Variants in FARP1 observed in about 807,000 individuals in gnomAD.
FARP1 encodes FERM, ARHGEF and pleckstrin domain-containing protein 1.
A neutral mutation model predicts 128.8 loss-of-function variants in FARP1; 52 were observed. The observed-to-expected ratio is 0.40, with a 90% CI of 0.32 to 0.51. The LOEUF (loss-of-function observed/expected upper bound fraction) is 0.51. Ranked by LOEUF, FARP1 falls within the 20% of genes least tolerant of loss-of-function variation. FARP1 has a pLI of 0.45. For synonymous variants in FARP1, 580 were observed against 551.8 expected (o/e 1.05, Z -0.72); for missense variants, 1,333 against 1,367.9 (o/e 0.97, Z 0.40).
intron 13 of FARP1, chr13:98,399,384 C>T (rs1358821647): frequency 6.6e-6 from 1 of 152,256 alleles, no homozygotes. Flanking sequence ...CAGCATCTAC[C>T]CTGCCACCCT....
chr13:98,168,400 T>C (rs1877430278), intron 1 of FARP1, among the ~76,000 whole-genome samples: 2 of 152,212 alleles, frequency 1.3e-5, no homozygotes, highest in African/African-American at 4.8e-5. Flanking sequence ...TCTGAAACTC[T>C]CACCTGTTGT....
At chr13:98,250,328 A>G (rs1279496158) in intron 2 of FARP1, among the ~76,000 whole-genome samples, 1 of 152,206 alleles carries the variant, frequency 6.6e-6, no homozygotes, top group Admixed American at 6.5e-5. Context: ...GGGTTTGTAC[A>G]TGATTTGTTT....
chr13:98,379,621 C>T (rs759135729), intron 6 of FARP1, among the ~76,000 whole-genome samples: 1 of 152,062 alleles, frequency 6.6e-6, no homozygotes. Context: ...CCAAGGACAC[C>T]AAAAACTGAG....
chr13:98,259,398 G>A (rs1235702724), intron 2 of FARP1, among the ~76,000 whole-genome samples: 1 of 148,662 alleles, frequency 6.7e-6, no homozygotes, highest in African/African-American at 2.6e-5. Flanking sequence ...TAGTTTTTAA[G>A]TGAGCCTTAG....
intron 2 of FARP1, among the ~76,000 whole-genome samples, chr13:98,320,873 A>G (rs192040071): frequency 9.3e-4 from 142 of 152,236 alleles, no homozygotes; most frequent in Non-Finnish European, 1.6e-3. Flanking sequence ...TTAGAGCCCT[A>G]TCTCCTCCGA....
intron 13 of FARP1, chr13:98,402,534 C>G (rs1376792872): frequency 6.6e-6 from 1 of 152,184 alleles, no homozygotes; most frequent in Non-Finnish European, 1.5e-5. Context: ...GCTCTTGAAA[C>G]CAAGCTAACG....
chr13:98,252,206 A>G (rs2139496494), intron 2 of FARP1, among the ~76,000 whole-genome samples: 1 of 152,330 alleles, frequency 6.6e-6, no homozygotes, highest in East Asian at 1.9e-4. Context: ...TTAGGAGATT[A>G]GAGTTATAAT....
intron 2 of FARP1, among the ~76,000 whole-genome samples, chr13:98,268,241 C>G (rs1884220963): frequency 6.6e-6 from 1 of 152,116 alleles, no homozygotes. Context: ...GGCTCTTGTG[C>G]CACAGCAGCA....
intron 3 of FARP1, among the ~76,000 whole-genome samples, chr13:98,358,649 CT>C (rs1198148853): frequency 6.6e-6 from 1 of 151,884 alleles, no homozygotes; most frequent in Non-Finnish European, 1.5e-5. Context: ...CTTTCTTTTT[CT>C]TTTTTTCTTT....
At chr13:98,354,651 C>A (rs1202962679) in intron 3 of FARP1, among the ~76,000 whole-genome samples, 1 of 152,086 alleles carries the variant, frequency 6.6e-6, no homozygotes, top group African/African-American at 2.4e-5. Flanking sequence ...CAGTTCTACT[C>A]CTAAGTATTT....
intron 2 of FARP1, among the ~76,000 whole-genome samples, chr13:98,326,189 TTG>T (rs1464928029): frequency 1.3e-5 from 2 of 152,346 alleles, no homozygotes; most frequent in East Asian, 3.9e-4. Context: ...GTTTCTGCTT[TTG>T]TGTTTGTCTT....
At chr13:98,144,237 G>T (rs1269001414) in intron 1 of FARP1, among the ~76,000 whole-genome samples, 1 of 147,206 alleles carries the variant, frequency 6.8e-6, no homozygotes, top group Non-Finnish European at 1.5e-5. Flanking sequence ...TTTTATTTGA[G>T]GGGGGGAAAT....
chr13:98,214,795 C>T (rs1299360337), intron 2 of FARP1, among the ~76,000 whole-genome samples: 1 of 152,186 alleles, frequency 6.6e-6, no homozygotes, highest in African/African-American at 2.4e-5. Context: ...AGCTATTGCT[C>T]ATCTGCTAAA....
At chr13:98,317,131 G>A (rs145098025) in intron 2 of FARP1, among the ~76,000 whole-genome samples, 23 of 152,294 alleles carry the variant, frequency 1.5e-4, no homozygotes, top group African/African-American at 5.5e-4. Flanking sequence ...TAGCGTTGCT[G>A]CCAAGAAGAT....
intron 2 of FARP1, among the ~76,000 whole-genome samples, chr13:98,238,127 A>G (rs1278719325): frequency 6.6e-6 from 1 of 152,222 alleles, no homozygotes; most frequent in African/African-American, 2.4e-5. Flanking sequence ...TGTTAAGATG[A>G]CAGGAGAAGC....
chr13:98,308,937 C>T (rs183399280), intron 2 of FARP1, among the ~76,000 whole-genome samples: 1 of 152,028 alleles, frequency 6.6e-6, no homozygotes, highest in Non-Finnish European at 1.5e-5. Flanking sequence ...CTCAGCCCCC[C>T]ACCAAAGTGC....
intron 1 of FARP1, among the ~76,000 whole-genome samples, chr13:98,212,284 G>C (rs1234154819): frequency 6.6e-6 from 1 of 152,202 alleles, no homozygotes; most frequent in Admixed American, 6.5e-5. Context: ...TCGAACTCCT[G>C]ACCTCAGGTG....
intron 6 of FARP1, chr13:98,381,639 G>A (rs12431215): frequency 0.14 from 21,556 of 152,162 alleles, 1,717 homozygotes; most frequent in East Asian, 0.3. Flanking sequence ...GGCGAGGCAG[G>A]GCTGCGTTTG....
At chr13:98,294,549 C>T (rs545010652) in intron 2 of FARP1, among the ~76,000 whole-genome samples, 1 of 152,212 alleles carries the variant, frequency 6.6e-6, no homozygotes, top group East Asian at 1.9e-4. Context: ...CTTTTCGGCA[C>T]AAGTCATTAT....
Sources: gnomAD v4.1 joint callset for allele counts (sites outside exome capture counted in the v4.1 genomes callset) on GRCh38, gnomAD v4.1.1 for gene constraint, MANE v1.5 for transcripts, NCBI Gene and HGNC (gene_info 2026-07-23, HGNC 2026-07-21) for gene names.